Variants in ANKHD1 observed in about 807,000 individuals in gnomAD.
The protein encoded by ANKHD1 is ankyrin repeat and KH domain-containing protein 1.
ANKHD1 carries 31 observed loss-of-function variants against 230.5 expected under a neutral mutation model. The observed-to-expected ratio is 0.13, with a 90% CI of 0.10 to 0.18. The LOEUF (loss-of-function observed/expected upper bound fraction) is 0.18. ANKHD1 is among the 10% of genes least tolerant of loss of function. ANKHD1 has a pLI of 1.00. For missense variants in ANKHD1, 2,256 were observed against 3,071.3 expected (o/e 0.73, Z 6.27); for synonymous variants, 1,074 against 1,117.6 (o/e 0.96, Z 0.78).
chr5:140,482,597 T>C lies in ANKHD1; in HGVS notation c.1800T>C (p.Gly600=). The C allele has an allele frequency of 6.2e-7, 1 of 1,612,700 alleles. No homozygotes were observed. Among genetic ancestry groups the C allele is most frequent in the East Asian group, 2.2e-5 (1 of 44,774 alleles). ...AGADLEHESE[G]GRTPLMKAAR... The stretch of plus-strand genomic sequence containing the variant: ...TTTAACAGGAACATGAATCTGAAGG[T>C]GGAAGAACACCTTTGATGAAAGCTG... Residue 600 remains glycine, a synonymous_variant, in exon 11 of 34, where the codon GGT becomes GGC. Transcript: ENST00000360839.
chr5:140,412,598 A>T (rs1180423050), intron 1 of ANKHD1, among the ~76,000 whole-genome samples: 1 of 152,246 alleles, frequency 6.6e-6, no homozygotes, highest in Non-Finnish European at 1.5e-5. Flanking sequence ...TTCATTATTC[A>T]TTTAAAAAGG....
chr5:140,404,095 GA>G (rs1183813295), intron 1 of ANKHD1, among the ~76,000 whole-genome samples: 1 of 152,194 alleles, frequency 6.6e-6, no homozygotes, highest in Non-Finnish European at 1.5e-5. Flanking sequence ...CAAGGTGAGA[GA>G]AATGTTTTAT....
intron 15 of ANKHD1, among the ~76,000 whole-genome samples, chr5:140,503,518 T>C (rs1436215203): frequency 6.8e-6 from 1 of 146,624 alleles, no homozygotes; most frequent in Non-Finnish European, 1.5e-5. Context: ...TTCAGAGATA[T>C]AAAATACATA....
At chr5:140,468,971 G>A (rs535061316) in intron 10 of ANKHD1, among the ~76,000 whole-genome samples, 1 of 152,218 alleles carries the variant, frequency 6.6e-6, no homozygotes, top group African/African-American at 2.4e-5. Context: ...GTCCACATCT[G>A]AAATTTTGAT....
rs56723475 is a variant in ANKHD1, at chr5:140,425,256, G to A, written c.307-10848G>A. On this transcript the variant is annotated intron_variant, in intron 1 of 33. Coordinates refer to ENST00000360839, the MANE Select transcript of ANKHD1 (RefSeq NM_017747.3). ...TCAGAAAACCCAAGATATGATTTCT[G>A]TTTTTTATTACTGTTTTTTATTAAG... is the stretch of plus-strand genomic sequence containing the variant. Among the ~76,000 whole-genome samples the A allele has an allele frequency of 3.9e-3, 588 of 152,188 alleles. 2 individuals carry two copies. Among genetic ancestry groups the A allele is most frequent in the African/African-American group, 0.014 (564 of 41,528 alleles).
chr5:140,442,337 C>A (rs1400277180), intron 5 of ANKHD1, among the ~76,000 whole-genome samples: 4 of 152,002 alleles, frequency 2.6e-5, no homozygotes, highest in Admixed American at 6.6e-5. Context: ...AGCCACCAAG[C>A]CTGGCTGAGA....
chr5:140,411,907 C>CA (rs1770960421), intron 1 of ANKHD1, among the ~76,000 whole-genome samples: 1 of 151,206 alleles, frequency 6.6e-6, no homozygotes, highest in Non-Finnish European at 1.5e-5. Context: ...TGCAGTGGCT[C>CA]ACGATCGTAT....
At chr5:140,410,156 AC>A (rs1770813339) in intron 1 of ANKHD1, among the ~76,000 whole-genome samples, 1 of 152,166 alleles carries the variant, frequency 6.6e-6, no homozygotes, top group Non-Finnish European at 1.5e-5. Flanking sequence ...TGCTCTTTAT[AC>A]TTTTAATAAA....
intron 26 of ANKHD1, 103 bp from the exon 27 acceptor site, chr5:140,526,825 T>G: frequency 1.4e-6 from 2 of 1,417,962 alleles, no homozygotes; most frequent in Non-Finnish European, 9.3e-7. Flanking sequence ...TGCCAAAGTT[T>G]AATACGAATA....
chr5:140,496,736 A>G lies in ANKHD1; in HGVS notation c.2462A>G (p.Lys821Arg). 1 of 1,613,748 alleles carries G rather than the reference A, an allele frequency of 6.2e-7. No homozygotes were observed. The highest frequency in any genetic ancestry group is 8.5e-7 in the Non-Finnish European group (1 of 1,179,944). The change falls in exon 15 of 34, where the codon AAA becomes AGA. Residue 821 changes from lysine (K) to arginine (R), a missense_variant. Physicochemically the swap from Lys to Arg is conservative, Grantham distance 26 (BLOSUM62 2). Around this residue, in one of 13 missense-constraint regions of ANKHD1, gnomAD observed 358 missense variants for 397.7 expected, o/e 0.90. Coordinates refer to ENST00000360839, the MANE Select transcript of ANKHD1 (RefSeq NM_017747.3). ...AACAAAGATAAGATAGAAGAACTTA[A>G]AAAGAACAGAGAAGAGCAAGTCCAG... ...PLNKDKIEEL[K>R]KNREEQVQKK...
intron 6 of ANKHD1, 72 bp from the exon 7 acceptor site, chr5:140,449,139 G>A (rs1774508455): frequency 9.1e-6 from 13 of 1,435,564 alleles, no homozygotes; most frequent in African/African-American, 1.4e-5. Flanking sequence ...TGAAGAAAAA[G>A]ATTCCATACC....
intron 7 of ANKHD1, 89 bp from the exon 8 acceptor site, chr5:140,458,536 T>C: frequency 1.5e-6 from 2 of 1,370,870 alleles, no homozygotes; most frequent in Non-Finnish European, 2.0e-6. Context: ...TCTTCCTTTT[T>C]CCAATCTCTT....
At position 140,528,616 on chromosome 5, in the gene ANKHD1, A is replaced by G; in HGVS notation, c.5670A>G (p.Pro1890=). 1 of 1,614,182 alleles carries G rather than the reference A, an allele frequency of 6.2e-7. No individual in the cohort carries two copies. The highest frequency in any genetic ancestry group is 8.5e-7 in the Non-Finnish European group (1 of 1,180,032). ...TFSPSPNTWG[P]FPVRPVNPGN... ...CACCTTCTCCTAACACATGGGGACCATTCCCAGTGAGACCTGTGAATCCTG... is the reference window on the plus strand; with the variant it reads ...CACCTTCTCCTAACACATGGGGACCGTTCCCAGTGAGACCTGTGAATCCTG... The change falls in exon 29 of 34, where the codon CCA becomes CCG. Residue 1890 remains proline (P), a synonymous_variant. Coordinates refer to ENST00000360839, the MANE Select transcript of ANKHD1 (RefSeq NM_017747.3).
chr5:140,443,778 A>G (rs1774057403), intron 5 of ANKHD1, among the ~76,000 whole-genome samples: 1 of 152,076 alleles, frequency 6.6e-6, no homozygotes, highest in South Asian at 2.1e-4. Flanking sequence ...CATCAAATTC[A>G]GTGGTTTTTA....
chr5:140,523,463 C>A (rs557490704), intron 24 of ANKHD1, among the ~76,000 whole-genome samples: 1 of 150,668 alleles, frequency 6.6e-6, no homozygotes, highest in East Asian at 1.9e-4. Flanking sequence ...TCTTTTCATT[C>A]GTGAGTTGTA....
rs1205350084 is a variant in ANKHD1, at chr5:140,496,787, T to A, written c.2513T>A (p.Leu838Gln). 5 of 1,613,886 alleles carry A rather than the reference T, an allele frequency of 3.1e-6. No homozygotes were observed. The highest frequency in any genetic ancestry group is 4.2e-6 in the Non-Finnish European group (5 of 1,180,012). Residue 838 changes from leucine (L) to glutamine (Q), a missense_variant, in exon 15 of 34, where the codon CTG becomes CAG. Around this residue, in one of 13 missense-constraint regions of ANKHD1, gnomAD observed 358 missense variants for 397.7 expected, o/e 0.90. Coordinates refer to ENST00000360839, the MANE Select transcript of ANKHD1 (RefSeq NM_017747.3). Reference sequence around the variant, plus strand: ...AAGAAGAAGAAAATATTGAAAGAACTGCAGAAAGTGGAAAGGCAGTTGCAG... The same window carrying A: ...AAGAAGAAGAAAATATTGAAAGAACAGCAGAAAGTGGAAAGGCAGTTGCAG... ...VQKKKKILKE[L>Q]QKVERQLQMK... is the part of the protein sequence containing the mutation.
chr5:140,487,999 A>G (rs1165510975), intron 14 of ANKHD1, among the ~76,000 whole-genome samples: 1 of 152,226 alleles, frequency 6.6e-6, no homozygotes, highest in East Asian at 1.9e-4. Context: ...TACCAGGGCT[A>G]AACTATTAAT....
chr5:140,457,358 A>G (rs188826460), intron 7 of ANKHD1, among the ~76,000 whole-genome samples: 62 of 152,368 alleles, frequency 4.1e-4, no homozygotes, highest in African/African-American at 1.3e-3. Flanking sequence ...TACTGGGTAT[A>G]TACCCAAAGG....
In ANKHD1 at chr5:140,537,478, C is replaced by A. The variant is rs1234020433; in HGVS notation, c.7117C>A (p.Leu2373Met). The change falls in exon 31 of 34, where the codon CTG becomes ATG. Residue 2373 changes from leucine (L) to methionine (M), a missense_variant. Transcript: ENST00000360839. ...ACCTCCCCCAATTGGAACAGAGAGA[C>A]TGGCCCGAATTCGGCAAGGAGGGTC... Reference protein sequence around the residue: ...KIPPPIGTERLARIRQGGSVA... With the variant: ...KIPPPIGTERMARIRQGGSVA... 1 of 1,614,060 alleles carries A rather than the reference C, an allele frequency of 6.2e-7. No individual in the cohort carries two copies. Among genetic ancestry groups the A allele is most frequent in the African/African-American group, 1.3e-5 (1 of 74,932 alleles).
Sources: allele counts gnomAD v4.1 joint callset (sites outside exome capture counted in the v4.1 genomes callset), GRCh38; gene constraint gnomAD v4.1.1; regional missense constraint gnomAD v4.1.1; transcripts MANE v1.5; gene names NCBI Gene and HGNC (gene_info 2026-07-23, HGNC 2026-07-21).